LARP4B: variants seen among roughly 807,000 people sequenced by gnomAD.
LARP4B encodes the protein la-related protein 4B.
A neutral mutation model predicts 89.8 loss-of-function variants in LARP4B; 12 were observed. The ratio of observed to expected loss-of-function variants is 0.13; its 90% CI spans 0.09 to 0.22. The LOEUF is 0.22. Ranked by LOEUF, LARP4B falls within the 10% of genes least tolerant of loss-of-function variation. The pLI, the probability that LARP4B is intolerant of heterozygous loss-of-function variation, is 1.00. For synonymous variants in LARP4B, 367 were observed against 363.3 expected (o/e 1.01, Z -0.12); for missense variants, 757 against 947.7 (o/e 0.80, Z 2.64).
the LARP4B span, among the ~76,000 whole-genome samples, chr10:968,123 T>G: frequency 1.3e-5 from 2 of 152,178 alleles, no homozygotes; most frequent in Non-Finnish European, 2.9e-5. Flanking sequence ...TTGGATTCAA[T>G]TCCCACTAAG....
At chr10:914,736 C>A (rs1395061904) in intron 1 of LARP4B, among the ~76,000 whole-genome samples, 7 of 136,354 alleles carry the variant, frequency 5.1e-5, no homozygotes, top group Non-Finnish European at 1.1e-4. Context: ...GGGAGGCGGA[C>A]GTTGCAGTGA....
At chr10:848,019 A>G (rs1407805307) in intron 5 of LARP4B, among the ~76,000 whole-genome samples, 1 of 152,236 alleles carries the variant, frequency 6.6e-6, no homozygotes, top group African/African-American at 2.4e-5. Context: ...AGAGAACCAC[A>G]GGGCCCAGGA....
chr10:824,401 T>A (rs577632904), intron 13 of LARP4B, among the ~76,000 whole-genome samples: 1 of 151,966 alleles, frequency 6.6e-6, no homozygotes. Context: ...GCTGAGGCAA[T>A]AGGATTGCTT....
At chr10:864,564 G>T (rs540993311) in intron 3 of LARP4B, among the ~76,000 whole-genome samples, 4 of 152,298 alleles carry the variant, frequency 2.6e-5, no homozygotes, top group Non-Finnish European at 5.9e-5. Context: ...TATACCTGAG[G>T]AATAGCTGGT....
chr10:962,486 G>A, the LARP4B span, among the ~76,000 whole-genome samples: 1 of 152,056 alleles, frequency 6.6e-6, no homozygotes. Flanking sequence ...GAGAGGTCAA[G>A]GCTTAAAATA....
At chr10:940,423 G>C in the LARP4B span, among the ~76,000 whole-genome samples, 1 of 152,214 alleles carries the variant, frequency 6.6e-6, no homozygotes, top group Non-Finnish European at 1.5e-5. Context: ...CAAAGTGCTG[G>C]GATTGCAGGC....
chr10:927,759 C>T (rs2132064386), intron 1 of LARP4B, among the ~76,000 whole-genome samples: 1 of 152,320 alleles, frequency 6.6e-6, no homozygotes, highest in East Asian at 1.9e-4. Flanking sequence ...GTGTTCATGT[C>T]TTCTCCCCAT....
At chr10:937,440 T>C in the LARP4B span, among the ~76,000 whole-genome samples, 1 of 152,212 alleles carries the variant, frequency 6.6e-6, no homozygotes, top group African/African-American at 2.4e-5. Flanking sequence ...GTTGAGGATA[T>C]AGATTATGTA....
At chr10:941,564 C>T in the LARP4B span, among the ~76,000 whole-genome samples, 1 of 152,086 alleles carries the variant, frequency 6.6e-6, no homozygotes, top group Non-Finnish European at 1.5e-5. Context: ...TCAGGTGATC[C>T]GCCCGCCTTG....
At chr10:839,037 A>C (rs1833379609) in intron 7 of LARP4B, among the ~76,000 whole-genome samples, 1 of 152,194 alleles carries the variant, frequency 6.6e-6, no homozygotes, top group Non-Finnish European at 1.5e-5. Context: ...ATAGGATCCA[A>C]CTCTAGGACA....
At chr10:913,868 C>T (rs1836744397) in intron 1 of LARP4B, among the ~76,000 whole-genome samples, 1 of 152,064 alleles carries the variant, frequency 6.6e-6, no homozygotes, top group Admixed American at 6.5e-5. Flanking sequence ...GAGATCAAGC[C>T]ACTGCACTCC....
intron 1 of LARP4B, among the ~76,000 whole-genome samples, chr10:892,776 T>A (rs544391129): frequency 2.1e-3 from 316 of 152,216 alleles, no homozygotes; most frequent in African/African-American, 7.2e-3. Context: ...CCTGACCTTG[T>A]GATCCACCCA....
chr10:879,808 T>C (rs1380075570), intron 3 of LARP4B, among the ~76,000 whole-genome samples: 2 of 150,570 alleles, frequency 1.3e-5, no homozygotes, highest in Non-Finnish European at 3.0e-5. Context: ...AGTTTCGCTC[T>C]TGTTGCCCAG....
the LARP4B span, among the ~76,000 whole-genome samples, chr10:946,871 A>AT: frequency 1.5e-4 from 23 of 150,486 alleles, no homozygotes; most frequent in East Asian, 1.6e-3. Context: ...CTGAAACACC[A>AT]TTTTTTTTTC....
intron 1 of LARP4B, among the ~76,000 whole-genome samples, chr10:929,128 G>C (rs1379870371): frequency 6.6e-6 from 1 of 151,440 alleles, no homozygotes. Flanking sequence ...TTTCTGTCTG[G>C]TTCCTACTCA....
chr10:966,749 C>T, the LARP4B span, among the ~76,000 whole-genome samples: 421 of 152,240 alleles, frequency 2.8e-3, 3 homozygotes, highest in African/African-American at 9.7e-3. Flanking sequence ...CTGTGGCTGA[C>T]GCCTGGAGAA....
chr10:964,223 C>T, the LARP4B span, among the ~76,000 whole-genome samples: 8 of 152,094 alleles, frequency 5.3e-5, no homozygotes, highest in African/African-American at 1.2e-4. Context: ...CCCGCCACCA[C>T]GCCTGGCTAA....
chr10:967,044 C>T, the LARP4B span, among the ~76,000 whole-genome samples: 2 of 152,222 alleles, frequency 1.3e-5, no homozygotes, highest in African/African-American at 2.4e-5. Context: ...CACAAAGATC[C>T]TAACAGGAAG....
the LARP4B span, among the ~76,000 whole-genome samples, chr10:947,695 C>A: frequency 6.6e-6 from 1 of 152,188 alleles, no homozygotes; most frequent in Non-Finnish European, 1.5e-5. Flanking sequence ...AATCTCGGCT[C>A]ACCGCAACCT....
Sources: allele counts gnomAD v4.1 joint callset (sites outside exome capture counted in the v4.1 genomes callset), GRCh38; gene constraint gnomAD v4.1.1; transcripts MANE v1.5; gene names NCBI Gene and HGNC (gene_info 2026-07-23, HGNC 2026-07-21).